RAB38: variants seen among roughly 807,000 people sequenced by gnomAD.
RAB38 encodes RAB38, member RAS oncogene family, also known as ras-related protein Rab-38.
Under a neutral mutation model 18.4 loss-of-function variants are expected in RAB38, and 15 were observed. The observed-to-expected ratio is 0.82, with a 90% confidence interval of 0.55 to 1.26. The LOEUF is 1.26. Among genes scored for constraint, RAB38 ranks in the 50% most tolerant of loss-of-function variants. The pLI is 0.00. For missense variants in RAB38, 294 were observed against 267.4 expected (o/e 1.10, Z -0.69); for synonymous variants, 101 against 104.4 (o/e 0.97, Z 0.20).
At chr11:87,884,185 G>A in the RAB38 span, among the ~76,000 whole-genome samples, 4 of 151,862 alleles carry the variant, frequency 2.6e-5, no homozygotes, top group Admixed American at 2.0e-4. Context: ...TAAATAAAAT[G>A]GTAATAACTA....
chr11:88,074,615 A>C, the RAB38 span, among the ~76,000 whole-genome samples: 1 of 152,192 alleles, frequency 6.6e-6, no homozygotes, highest in Non-Finnish European at 1.5e-5. Flanking sequence ...CTTGACCACA[A>C]AGGATGACAG....
chr11:87,968,682 T>G, the RAB38 span, among the ~76,000 whole-genome samples: 1 of 152,120 alleles, frequency 6.6e-6, no homozygotes, highest in Non-Finnish European at 1.5e-5. Flanking sequence ...AAAATAACCA[T>G]CTGGACAAAG....
Position 88,149,967 on chromosome 11 carries a change from A to T in RAB38, c.203-12T>A. 2 of 1,591,016 alleles carry T rather than the reference A, an allele frequency of 1.3e-6. No homozygotes were observed. Among genetic ancestry groups the T allele is most frequent in the Non-Finnish European group, 1.7e-6 (2 of 1,170,072 alleles). ...AAATCTTTCTTGACCTGACACCAAA[A>T]AGAAATAAAAATAAAAATGTATTAA... On this transcript the variant is annotated splice_polypyrimidine_tract_variant and intron_variant, in intron 1 of 2. Coordinates refer to ENST00000243662, the MANE Select transcript of RAB38 (RefSeq NM_022337.3).
intron 1 of RAB38, among the ~76,000 whole-genome samples, chr11:88,157,587 A>T (rs1943141344): frequency 6.6e-6 from 1 of 152,208 alleles, no homozygotes; most frequent in South Asian, 2.1e-4. Context: ...ACACATGCCC[A>T]GACATGAAGC....
At chr11:88,164,002 A>C (rs1207558399) in intron 1 of RAB38, among the ~76,000 whole-genome samples, 2 of 152,128 alleles carry the variant, frequency 1.3e-5, no homozygotes, top group Non-Finnish European at 2.9e-5. Flanking sequence ...GAGTGAATCA[A>C]GACAGAAGGA....
the RAB38 span, among the ~76,000 whole-genome samples, chr11:87,955,093 G>A: frequency 1.4e-4 from 22 of 152,346 alleles, no homozygotes; most frequent in African/African-American, 5.0e-4. Flanking sequence ...AGCTGTGCAT[G>A]CAGTAGTGTT....
chr11:87,863,975 A>C, the RAB38 span, among the ~76,000 whole-genome samples: 1 of 151,670 alleles, frequency 6.6e-6, no homozygotes, highest in Non-Finnish European at 1.5e-5. Context: ...TCTACTACCA[A>C]GGCTGAGCAG....
chr11:88,057,635 C>T, the RAB38 span, among the ~76,000 whole-genome samples: 3 of 152,122 alleles, frequency 2.0e-5, no homozygotes, highest in Non-Finnish European at 4.4e-5. Flanking sequence ...TAATTTCCCT[C>T]GGCAGAGTAG....
chr11:88,107,639 G>A, the RAB38 span, among the ~76,000 whole-genome samples: 1 of 151,928 alleles, frequency 6.6e-6, no homozygotes, highest in African/African-American at 2.4e-5. Context: ...TCTGATCTTA[G>A]TTATTTTTTG....
the RAB38 span, among the ~76,000 whole-genome samples, chr11:88,087,607 C>A: frequency 6.6e-6 from 1 of 151,906 alleles, no homozygotes; most frequent in East Asian, 1.9e-4. Flanking sequence ...CTCTTGGCAA[C>A]TGTATTGGCT....
the RAB38 span, among the ~76,000 whole-genome samples, chr11:87,814,051 C>T: frequency 7.2e-5 from 11 of 151,988 alleles, no homozygotes; most frequent in African/African-American, 2.2e-4. Context: ...AGGAGCAAAC[C>T]TATTTGTTTA....
intron 1 of RAB38, among the ~76,000 whole-genome samples, chr11:88,161,434 T>C (rs372515723): frequency 1.1e-4 from 16 of 152,046 alleles, no homozygotes; most frequent in South Asian, 2.1e-4. Flanking sequence ...TATGAACCCA[T>C]AGAATTTTAA....
the RAB38 span, among the ~76,000 whole-genome samples, chr11:87,882,599 T>A: frequency 6.6e-6 from 1 of 151,870 alleles, no homozygotes; most frequent in Admixed American, 6.6e-5. Flanking sequence ...ACTGAATAAG[T>A]TAGTTCCTGT....
At chr11:87,878,388 T>C in the RAB38 span, among the ~76,000 whole-genome samples, 1 of 150,668 alleles carries the variant, frequency 6.6e-6, no homozygotes, top group Non-Finnish European at 1.5e-5. Context: ...GAGAATTAAA[T>C]GAACTCAGTA....
the RAB38 span, among the ~76,000 whole-genome samples, chr11:87,852,354 T>C: frequency 6.6e-6 from 1 of 152,216 alleles, no homozygotes; most frequent in Non-Finnish European, 1.5e-5. Flanking sequence ...ACGTAAGTCC[T>C]GAACCCCATC....
the RAB38 span, among the ~76,000 whole-genome samples, chr11:88,021,386 T>G: frequency 6.6e-6 from 1 of 151,906 alleles, no homozygotes; most frequent in Non-Finnish European, 1.5e-5. Flanking sequence ...GATTGAACCA[T>G]GAAGAAATTA....
At chr11:87,977,632 T>C in the RAB38 span, among the ~76,000 whole-genome samples, 3 of 118,586 alleles carry the variant, frequency 2.5e-5, no homozygotes, top group South Asian at 7.5e-4. Flanking sequence ...AATTGTATAT[T>C]ATATAATTAT....
chr11:88,037,675 A>G, the RAB38 span, among the ~76,000 whole-genome samples: 5 of 152,180 alleles, frequency 3.3e-5, no homozygotes, highest in East Asian at 9.6e-4. Flanking sequence ...TCATATAAAT[A>G]AAATGATACA....
At chr11:88,110,278 A>G (rs1942455850), downstream of RAB38, among the ~76,000 whole-genome samples, 1 of 152,132 alleles carries the variant, frequency 6.6e-6, no homozygotes, top group Non-Finnish European at 1.5e-5. Context: ...CAGAAAACCA[A>G]ACCAAACACT....
Sources: gnomAD v4.1 joint callset for allele counts (sites outside exome capture counted in the v4.1 genomes callset) on GRCh38, gnomAD v4.1.1 for gene constraint, MANE v1.5 for transcripts, NCBI Gene and HGNC (gene_info 2026-07-23, HGNC 2026-07-21) for gene names.